TRPC5: variants seen among roughly 807,000 people sequenced by gnomAD.
TRPC5 encodes the protein short transient receptor potential channel 5.
A neutral mutation model predicts 56.5 loss-of-function variants in TRPC5; 9 were observed. That is an observed-to-expected ratio of 0.16 (90% confidence interval 0.10 to 0.28). The LOEUF (loss-of-function observed/expected upper bound fraction) is 0.28. Ranked by LOEUF, TRPC5 falls within the 10% of genes least tolerant of loss-of-function variation. TRPC5 has a pLI of 1.00. For missense variants in TRPC5, 469 were observed against 748.9 expected, an observed-to-expected ratio of 0.63 and a Z score of 4.36; for synonymous variants, 282 against 278.5, an observed-to-expected ratio of 1.01 and a Z score of -0.13.
chrX:111,932,797 A>C (rs1270225392), intron 2 of TRPC5, among the ~76,000 whole-genome samples: 1 of 112,089 alleles, frequency 8.9e-6, no homozygotes, highest in Non-Finnish European at 1.9e-5. Flanking sequence ...GTACCGACCT[A>C]GCCCAGTGTC....
At position 111,895,057 on chromosome X, in the gene TRPC5, A is replaced by C. The variant is rs905488057; in HGVS notation, c.900+17234T>G. On this transcript the variant is annotated intron_variant, in intron 3 of 10. Coordinates refer to ENST00000262839, the MANE Select transcript of TRPC5 (RefSeq NM_012471.3). ...GCTCTTTGGTTATATACTTAGGAGTAGCATTCCAGGGTCATGTGATAGAGG... is the reference window on the plus strand; with the variant it reads ...GCTCTTTGGTTATATACTTAGGAGTCGCATTCCAGGGTCATGTGATAGAGG... Among the ~76,000 whole-genome samples the C allele has an allele frequency of 3.6e-5, 4 of 112,080 alleles. No homozygotes were observed. The East Asian group carries it at 1.1e-3, about 31-fold the overall frequency.
chrX:111,981,907 CAT>C (rs1409238761), intron 1 of TRPC5, among the ~76,000 whole-genome samples: 1 of 112,079 alleles, frequency 8.9e-6, no homozygotes, highest in Non-Finnish European at 1.9e-5. Flanking sequence ...GTAATCCCCA[CAT>C]GTCAGGGGAG....
chrX:111,969,784 C>T (rs191217390), intron 1 of TRPC5, among the ~76,000 whole-genome samples: 20 of 110,989 alleles, frequency 1.8e-4, no homozygotes, highest in Non-Finnish European at 3.4e-4. Context: ...GCTGGGCCTA[C>T]TTGTTGGAGG....
chrX:111,771,627 C>T lies in TRPC5; in HGVS notation c.*4686G>A, dbSNP rs1239727552. Among the ~76,000 whole-genome samples the T allele has an allele frequency of 9.0e-6, 1 of 111,455 alleles. No individual in the cohort carries two copies. The highest frequency in any genetic ancestry group is 1.9e-5 in the Non-Finnish European group (1 of 53,099). On this transcript the variant is annotated 3_prime_UTR_variant, in exon 11 of 11. Coordinates refer to ENST00000262839, the MANE Select transcript of TRPC5 (RefSeq NM_012471.3). The stretch of plus-strand genomic sequence containing the variant: ...CACACAAAAGATGAAAATCCTAGGC[C>T]ACGTACCAGCATATGAATGAATATT...
At chrX:111,882,391 GC>G (rs1022883861) in intron 3 of TRPC5, among the ~76,000 whole-genome samples, 1 of 112,163 alleles carries the variant, frequency 8.9e-6, no homozygotes, top group Non-Finnish European at 1.9e-5. Context: ...CCAGAGTACG[GC>G]CTGAAACTGC....
At chrX:111,859,969 C>A (rs1204573231) in intron 3 of TRPC5, among the ~76,000 whole-genome samples, 2 of 113,005 alleles carry the variant, frequency 1.8e-5, no homozygotes, top group African/African-American at 6.4e-5. Flanking sequence ...AGTGCAGGGG[C>A]GAGATCTCAG....
intron 1 of TRPC5, among the ~76,000 whole-genome samples, chrX:111,995,359 C>T (rs766431905): frequency 5.4e-5 from 6 of 111,824 alleles, no homozygotes; most frequent in East Asian, 2.8e-4. Flanking sequence ...CTGCTGGATT[C>T]GGTTTGCCAG....
intron 1 of TRPC5, among the ~76,000 whole-genome samples, chrX:111,978,263 A>G (rs1019768632): frequency 8.9e-6 from 1 of 111,941 alleles, no homozygotes. Flanking sequence ...AAAGAAGAAG[A>G]AAATCTTGCC....
chrX:112,049,432 T>TACAC (rs762624712), intron 1 of TRPC5, among the ~76,000 whole-genome samples: 268 of 104,207 alleles, frequency 2.6e-3, no homozygotes, highest in African/African-American at 8.0e-3. Context: ...CGCATATATA[T>TACAC]ACACACACAC....
chrX:111,864,504 C>G (rs1026837256), intron 3 of TRPC5, among the ~76,000 whole-genome samples: 1 of 111,750 alleles, frequency 8.9e-6, no homozygotes, highest in Non-Finnish European at 1.9e-5. Flanking sequence ...ACGAAGTTGA[C>G]TGACAGATAA....
chrX:111,865,156 C>T (rs1378824233), intron 3 of TRPC5, among the ~76,000 whole-genome samples: 2 of 109,504 alleles, frequency 1.8e-5, no homozygotes, highest in East Asian at 2.9e-4. Context: ...GCTGGGATTA[C>T]AGGTGCGTGC....
At chrX:111,816,118 C>T (rs965994070) in intron 7 of TRPC5, among the ~76,000 whole-genome samples, 7 of 111,795 alleles carry the variant, frequency 6.3e-5, no homozygotes, top group Non-Finnish European at 1.1e-4. Context: ...AGGCTTGGCA[C>T]TCTCTGGTCT....
At chrX:111,952,932 A>G (rs1319795317) in intron 1 of TRPC5, among the ~76,000 whole-genome samples, 1 of 111,674 alleles carries the variant, frequency 9.0e-6, no homozygotes, top group East Asian at 2.8e-4. Context: ...GGTGCCTGAA[A>G]ATATTCATGG....
chrX:111,918,922 G>A (rs768087906), intron 2 of TRPC5, among the ~76,000 whole-genome samples: 1 of 111,086 alleles, frequency 9.0e-6, no homozygotes, highest in South Asian at 3.9e-4. Context: ...CAGGATGCTG[G>A]CTGCATTGTC....
chrX:112,047,100 A>C (rs1488140357), intron 1 of TRPC5, among the ~76,000 whole-genome samples: 1 of 111,291 alleles, frequency 9.0e-6, no homozygotes, highest in Non-Finnish European at 1.9e-5. Context: ...CAAAGTTCTT[A>C]AGCATAGTAG....
chrX:111,785,296 T>TC (rs1231904751), intron 7 of TRPC5, among the ~76,000 whole-genome samples: 1 of 111,734 alleles, frequency 8.9e-6, no homozygotes, highest in Non-Finnish European at 1.9e-5. Flanking sequence ...TACAGCAAAC[T>TC]CCAACAGACC....
rs1005078083 is a variant in TRPC5 at position 111,821,989 on chromosome X, C to T, written c.1896+12932G>A. ...TCCAGAAACACCACAAAAAGCAATA[C>T]TTTCTGAACCTCAACTCTGATACTT... is the stretch of plus-strand genomic sequence containing the variant. On this transcript the variant is annotated intron_variant, in intron 7 of 10. Transcript: ENST00000262839. Among the ~76,000 whole-genome samples, 3 of 111,665 alleles carry T rather than the reference C, an allele frequency of 2.7e-5. No homozygotes were observed. In the South Asian group the frequency reaches 1.1e-3, roughly 43 times the overall value.
chrX:111,879,572 C>A (rs1427033631), intron 3 of TRPC5, among the ~76,000 whole-genome samples: 3 of 112,448 alleles, frequency 2.7e-5, no homozygotes, highest in Non-Finnish European at 5.6e-5. Flanking sequence ...ACTCTTAAGA[C>A]ACTAAAGAGT....
chrX:111,951,747 A>G (rs141908658), intron 2 of TRPC5, among the ~76,000 whole-genome samples: 278 of 112,011 alleles, frequency 2.5e-3, no homozygotes, highest in East Asian at 0.02. Flanking sequence ...AGCAGGGTAT[A>G]CGAAAGTTAG....
Sources: gnomAD v4.1 joint callset for allele counts (sites outside exome capture counted in the v4.1 genomes callset) on GRCh38, gnomAD v4.1.1 for gene constraint, MANE v1.5 for transcripts, NCBI Gene and HGNC (gene_info 2026-07-23, HGNC 2026-07-21) for gene names.